The following DTWD2 variants were observed in gnomAD, a reference collection of about 807,000 sequenced individuals.
The protein encoded by DTWD2 is DTW motif tRNA-uridine aminocarboxypropyltransferase 2, also known as tRNA-uridine aminocarboxypropyltransferase 2.
DTWD2 carries 39 observed loss-of-function variants against 31.8 expected under a neutral mutation model. The ratio of observed to expected loss-of-function variants is 1.22; its 90% CI spans 0.95 to 1.60. DTWD2 has a LOEUF of 1.60. Among genes scored for constraint, DTWD2 ranks in the 40% most tolerant of loss-of-function variants. DTWD2 has a pLI of 0.00. For missense variants in DTWD2, 515 were observed against 381.5 expected (o/e 1.35, Z -2.92); for synonymous variants, 180 against 142.8 (o/e 1.26, Z -1.86).
intron 1 of DTWD2, among the ~76,000 whole-genome samples, chr5:118,974,968 A>G (rs1158016080): frequency 6.6e-6 from 1 of 151,810 alleles, no homozygotes; most frequent in African/African-American, 2.4e-5. Context: ...TTTTTCCTTC[A>G]TTTCAACCTT....
rs570283692 is a variant in DTWD2, at chr5:118,836,731, C to G, written c.*4186G>C. Among the ~76,000 whole-genome samples, 1 of 152,278 alleles carries G rather than the reference C, an allele frequency of 6.6e-6. No individual in the cohort carries two copies. The highest frequency in any genetic ancestry group is 2.1e-4 in the South Asian group (1 of 4,830). ...ATTAGGTCATAAGGGTCTCAGAGAG[C>G]TAGCTCGACCCTTCCACTAGGTGAA... is the stretch of plus-strand genomic sequence containing the variant. On this transcript the variant is annotated 3_prime_UTR_variant, in exon 6 of 6. Coordinates refer to ENST00000510708, the MANE Select transcript of DTWD2 (RefSeq NM_173666.4).
chr5:118,863,222 A>T (rs1580773160), intron 4 of DTWD2, among the ~76,000 whole-genome samples: 1 of 152,316 alleles, frequency 6.6e-6, no homozygotes, highest in Non-Finnish European at 1.5e-5. Context: ...AATGTTCCAA[A>T]TTATAAAAAC....
At position 118,925,778 on chromosome 5, in the gene DTWD2, G is replaced by A. The variant is rs912184892; in HGVS notation, c.597+2759C>T. On this transcript the variant is annotated intron_variant, in intron 4 of 5. Transcript: ENST00000510708. ...GAGAATGGTGTGAACCCGGGAGGCG[G>A]AGCTGGCAGTGAGCCGAGATTGTGC... is the stretch of plus-strand genomic sequence containing the variant. Among the ~76,000 whole-genome samples the A allele has an allele frequency of 5.9e-5, 9 of 152,004 alleles. No individual in the cohort carries two copies. In the East Asian group the frequency reaches 7.7e-4, roughly 13 times the overall value.
chr5:118,883,576 G>A (rs1001744472), intron 4 of DTWD2, among the ~76,000 whole-genome samples: 18 of 152,186 alleles, frequency 1.2e-4, no homozygotes, highest in African/African-American at 4.3e-4. Context: ...GCATAGCTGA[G>A]GAGGCCTCAG....
rs147324078 is a variant in DTWD2, at chr5:118,921,106, CTCAAGT to C, written c.597+7425_597+7430del. Among the ~76,000 whole-genome samples the C allele has an allele frequency of 4.9e-3, 744 of 152,254 alleles. 5 individuals are homozygous for C. Among genetic ancestry groups the C allele is most frequent in the African/African-American group, 0.017 (698 of 41,532 alleles). Reference sequence around the variant, plus strand: ...GGAAGCAAATGTTCCTTCAAGTTAACTCAAGTTCTATTTGTAAATACTATCTACAAC... The same window carrying C: ...GGAAGCAAATGTTCCTTCAAGTTAACTCTATTTGTAAATACTATCTACAAC... On this transcript the variant is annotated intron_variant, in intron 4 of 5. Coordinates refer to ENST00000510708, the MANE Select transcript of DTWD2 (RefSeq NM_173666.4).
Position 118,979,029 on chromosome 5 carries a change from G to C in DTWD2, c.218+9265C>G, listed in dbSNP as rs187102322. ...TCAAAAAATAAAAAATAGAGGCCAGGCGCGGTGGCTCACGCCTATAATCCC... is the reference window on the plus strand; with the variant it reads ...TCAAAAAATAAAAAATAGAGGCCAGCCGCGGTGGCTCACGCCTATAATCCC... On this transcript the variant is annotated intron_variant, in intron 1 of 5. Transcript: ENST00000510708. Among the ~76,000 whole-genome samples, 437 of 151,992 alleles carry C rather than the reference G, an allele frequency of 2.9e-3. 1 individual carries two copies. Among genetic ancestry groups the C allele is most frequent in the African/African-American group, 9.7e-3 (401 of 41,444 alleles).
intron 2 of DTWD2, among the ~76,000 whole-genome samples, chr5:118,940,665 C>A (rs1780541345): frequency 6.6e-6 from 1 of 152,130 alleles, no homozygotes; most frequent in Non-Finnish European, 1.5e-5. Context: ...AGAAATATAT[C>A]TTTTGTCATA....
intron 4 of DTWD2, among the ~76,000 whole-genome samples, chr5:118,862,259 C>T (rs574987272): frequency 1.7e-4 from 26 of 152,314 alleles, no homozygotes; most frequent in African/African-American, 6.3e-4. Flanking sequence ...TTCCAGGAAA[C>T]CAGTCCCTGG....
At position 118,837,960 on chromosome 5, in the gene DTWD2, G is replaced by A. The variant is rs974627012; in HGVS notation, c.*2957C>T. 1.8e-4 allele frequency: 27 copies of A among 152,108 alleles called. No homozygotes were observed. The highest frequency in any genetic ancestry group is 6.5e-4 in the African/African-American group (27 of 41,422). The allele number at this position is 152,108 out of a possible 1,614,324, so 9.4% of individuals were successfully genotyped here. On this transcript the variant is annotated 3_prime_UTR_variant, in exon 6 of 6. Transcript: ENST00000510708. ...ATAAATCACTAACTGGTGGTATAGT[G>A]AGGAGCTTATTTCTTCCAAAATATA...
chr5:118,934,186 G>C (rs1753985017), intron 3 of DTWD2, among the ~76,000 whole-genome samples: 1 of 139,546 alleles, frequency 7.2e-6, no homozygotes, highest in South Asian at 2.3e-4. Context: ...TGTAATCCCA[G>C]CACTTTGGGA....
intron 1 of DTWD2, among the ~76,000 whole-genome samples, chr5:118,985,987 C>G (rs1415921986): frequency 6.6e-6 from 1 of 152,132 alleles, no homozygotes; most frequent in African/African-American, 2.4e-5. Context: ...GAAGTCATCT[C>G]TTTTTCATCT....
chr5:118,944,877 A>G (rs551523572), intron 1 of DTWD2, among the ~76,000 whole-genome samples: 26 of 152,270 alleles, frequency 1.7e-4, no homozygotes, highest in African/African-American at 6.0e-4. Flanking sequence ...AGTACCTCAA[A>G]ACAAAAATCT....
At chr5:118,940,396 G>GTCAAA (rs1296174466) in intron 2 of DTWD2, among the ~76,000 whole-genome samples, 1 of 152,114 alleles carries the variant, frequency 6.6e-6, no homozygotes, top group Non-Finnish European at 1.5e-5. Flanking sequence ...ATGTATATAT[G>GTCAAA]TCAAATTAAA....
At chr5:118,843,316 G>A (rs1302801293) in intron 5 of DTWD2, among the ~76,000 whole-genome samples, 10 of 142,740 alleles carry the variant, frequency 7.0e-5, no homozygotes, top group African/African-American at 2.9e-4. Flanking sequence ...AAAGGGAAGG[G>A]AAAAGGAAGG....
At chr5:118,903,998 C>T (rs1448191746) in intron 4 of DTWD2, among the ~76,000 whole-genome samples, 1 of 151,988 alleles carries the variant, frequency 6.6e-6, no homozygotes, top group African/African-American at 2.4e-5. Context: ...CTATAACCAA[C>T]ATTTTTAATG....
At chr5:118,857,075 C>A (rs115069141) in intron 4 of DTWD2, among the ~76,000 whole-genome samples, 3,092 of 152,132 alleles carry the variant, frequency 0.02, 64 homozygotes, top group Non-Finnish European at 0.032. Flanking sequence ...CCGCACCCGG[C>A]AGCTTAGATT....
chr5:118,950,038 G>A (rs1433933563), intron 1 of DTWD2, among the ~76,000 whole-genome samples: 11 of 151,780 alleles, frequency 7.2e-5, no homozygotes, highest in African/African-American at 1.9e-4. Flanking sequence ...GTGAAACCCC[G>A]TCACTATTAA....
At chr5:118,870,379 G>C (rs1752475959) in intron 4 of DTWD2, among the ~76,000 whole-genome samples, 2 of 152,228 alleles carry the variant, frequency 1.3e-5, no homozygotes, top group South Asian at 4.1e-4. Context: ...CACTTGATTG[G>C]TTGGTTATTT....
intron 1 of DTWD2, among the ~76,000 whole-genome samples, chr5:118,960,536 T>C (rs1322468130): frequency 6.6e-6 from 1 of 152,094 alleles, no homozygotes; most frequent in East Asian, 1.9e-4. Context: ...TCAAAGAACT[T>C]AAAACAGAAT....
Sources: allele counts gnomAD v4.1 joint callset (sites outside exome capture counted in the v4.1 genomes callset), GRCh38; gene constraint gnomAD v4.1.1; transcripts MANE v1.5; gene names NCBI Gene and HGNC (gene_info 2026-07-23, HGNC 2026-07-21).